The following EEF1A2 variants were observed in gnomAD, a reference collection of about 807,000 sequenced individuals.
EEF1A2 encodes eukaryotic translation elongation factor 1 alpha 2.
EEF1A2 carries 5 observed loss-of-function variants against 39.3 expected under a neutral mutation model. The observed-to-expected ratio is 0.13, with a 90% CI of 0.07 to 0.27. The LOEUF is 0.27. Among genes scored for constraint, EEF1A2 ranks in the 10% least tolerant of loss-of-function variants. EEF1A2 has a pLI of 1.00. For synonymous variants in EEF1A2, 287 were observed against 293.7 expected (o/e 0.98, Z 0.23); for missense variants, 218 against 681.4 (o/e 0.32, Z 7.57).
Position 63,497,780 on chromosome 20 carries a change from G to A in EEF1A2, c.-17C>T. The A allele has an allele frequency of 6.2e-7, 1 of 1,608,400 alleles. No homozygotes were observed. The highest frequency in any genetic ancestry group is 8.5e-7 in the Non-Finnish European group (1 of 1,177,026). ...CTTGCCCATTTTGCTGGGAGTGTGA[G>A]GGGCTGGCGGGACCCGGGGTGCTCT... On this transcript the variant is annotated 5_prime_UTR_variant, in exon 2 of 8. Coordinates refer to ENST00000217182, the MANE Select transcript of EEF1A2 (RefSeq NM_001958.5). The surrounding 1 kb of genome is among the most constrained non-coding windows in gnomAD (Gnocchi z 7.3).
chr20:63,493,966 CAT>C (rs561101299), intron 4 of EEF1A2, among the ~76,000 whole-genome samples: 145 of 152,364 alleles, frequency 9.5e-4, no homozygotes, highest in African/African-American at 3.3e-3. Flanking sequence ...GCGTTCGCCA[CAT>C]GATACCCCAT....
chr20:63,497,900 C>G lies in EEF1A2; in HGVS notation c.-71-66G>C. 8.1e-7 allele frequency: 1 copy of G among 1,233,814 alleles called. No homozygotes were observed. The highest frequency in any genetic ancestry group is 1.5e-5 in the South Asian group (1 of 68,806). 76.4% of individuals were successfully genotyped at this position (1,233,814 alleles called of 1,614,324 possible). ...CCCCAGGGGGAGACACCAGCAGAGA[C>G]TGTCCTGGCACAGGCTGGACAGGCA... is the stretch of plus-strand genomic sequence containing the variant. On this transcript the variant is annotated intron_variant, in intron 1 of 7. Coordinates refer to ENST00000217182, the MANE Select transcript of EEF1A2 (RefSeq NM_001958.5). This position sits in a 1 kb window ranked among gnomAD's most constrained non-coding sequence, Gnocchi z 7.3.
Position 63,497,858 on chromosome 20 carries a change from A to C in EEF1A2, c.-71-24T>G. On this transcript the variant is annotated intron_variant, in intron 1 of 7. Transcript: ENST00000217182. This position sits in a 1 kb window ranked among gnomAD's most constrained non-coding sequence, Gnocchi z 7.3. ...TTCTGTGGGGCCAGTGGTGGTGGGG[A>C]GACCGGTGATGGGGAGCCCCAGGGG... 6.6e-7 allele frequency: 1 copy of C among 1,504,218 alleles called. No individual in the cohort carries two copies. The highest frequency in any genetic ancestry group is 1.3e-5 in the South Asian group (1 of 77,768). 93.2% of individuals were successfully genotyped at this position (1,504,218 alleles called of 1,614,324 possible). A position where few individuals can be genotyped will look rare whatever the true frequency, so the allele number is the denominator to read the frequency against.
At chr20:63,493,417 A>AT (rs1805599590) in intron 4 of EEF1A2, 130 bp from the exon 5 acceptor site, 1 of 1,098,854 alleles carries the variant, frequency 9.1e-7, no homozygotes, top group Non-Finnish European at 1.2e-6. Flanking sequence ...GAGATGAGGA[A>AT]TTTCCCCACC....
chr20:63,488,669 T>C (rs1365203051), intron 7 of EEF1A2, among the ~76,000 whole-genome samples: 1 of 152,166 alleles, frequency 6.6e-6, no homozygotes, highest in Non-Finnish European at 1.5e-5. Context: ...CCGCGGGCCT[T>C]CCTCACTCGC....
chr20:63,493,067 T>C, intron 5 of EEF1A2, 70 bp downstream of exon 5: 3 of 1,506,214 alleles, frequency 2.0e-6, no homozygotes, highest in South Asian at 1.3e-5. Context: ...TGAGATGCCT[T>C]GTAGGGGCCC....
chr20:63,494,796 G>A lies in EEF1A2; in HGVS notation c.621+9C>T, dbSNP rs758255976. 5.2e-5 allele frequency: 83 copies of A among 1,605,158 alleles called. No homozygotes were observed. Among genetic ancestry groups the A allele is most frequent in the Admixed American group, 1.2e-4 (7 of 59,838 alleles). ...TCCCGTGGCCCGCCCCGCCCTAGCC[G>A]CCACTCACGTTGGGGGAGGGCTCCA... On this transcript the variant is annotated intron_variant, in intron 4 of 7. Coordinates refer to ENST00000217182, the MANE Select transcript of EEF1A2 (RefSeq NM_001958.5).
intron 5 of EEF1A2, among the ~76,000 whole-genome samples, chr20:63,491,320 C>T (rs936858443): frequency 2.0e-5 from 3 of 152,232 alleles, no homozygotes; most frequent in African/African-American, 7.2e-5. Context: ...CATGAGCGTC[C>T]CTGGCATTTC....
In EEF1A2 at chr20:63,497,653, C is replaced by T. The variant is rs2082424458; in HGVS notation, c.111G>A (p.Arg37=). ...CCTCCTTCTCGAACTTCTCAATGGTCCTTTTGTCAATACCTCCGCATTTGT... is the reference window on the plus strand; with the variant it reads ...CCTCCTTCTCGAACTTCTCAATGGTTCTTTTGTCAATACCTCCGCATTTGT... ...LIYKCGGIDK[R]TIEKFEKEAA... The change falls in exon 2 of 8, where the codon AGG becomes AGA. Residue 37 remains arginine, a synonymous_variant. Transcript: ENST00000217182. The surrounding 1 kb of genome is among the most constrained non-coding windows in gnomAD (Gnocchi z 7.3). The T allele has an allele frequency of 6.2e-7, 1 of 1,613,098 alleles. No homozygotes were observed. The highest frequency in any genetic ancestry group is 8.5e-7 in the Non-Finnish European group (1 of 1,179,838).
intron 2 of EEF1A2, chr20:63,496,309 CTCT>C: frequency 2.0e-6 from 1 of 496,388 alleles, no homozygotes; most frequent in Admixed American, 3.5e-5. Context: ...GAGTCGCTCG[CTCT>C]ACGAGCGAAG....
rs1204531080 is a variant in EEF1A2, at chr20:63,488,293, G to C, written c.*5C>G. 24 of 1,288,322 alleles carry C rather than the reference G, an allele frequency of 1.9e-5. No individual in the cohort carries two copies. Among genetic ancestry groups the C allele is most frequent in the Non-Finnish European group, 2.4e-5 (24 of 1,002,078 alleles). 79.8% of individuals were successfully genotyped at this position (1,288,322 alleles called of 1,614,324 possible). A position where few individuals can be genotyped will look rare whatever the true frequency, so the allele number is the denominator to read the frequency against. ...GGGGAGGGTCGCGCCGCGGGCGCCCGCGCTTCACTTGCCCGCCTTCTGCGC... is the reference window on the plus strand; with the variant it reads ...GGGGAGGGTCGCGCCGCGGGCGCCCCCGCTTCACTTGCCCGCCTTCTGCGC... On this transcript the variant is annotated 3_prime_UTR_variant, in exon 8 of 8. Coordinates refer to ENST00000217182, the MANE Select transcript of EEF1A2 (RefSeq NM_001958.5).
chr20:63,493,718 G>A (rs550356179), intron 4 of EEF1A2, among the ~76,000 whole-genome samples: 3 of 152,204 alleles, frequency 2.0e-5, no homozygotes, highest in African/African-American at 2.4e-5. Flanking sequence ...TCTGGACACC[G>A]TGCTGCCTCC....
intron 5 of EEF1A2, among the ~76,000 whole-genome samples, chr20:63,492,138 A>G (rs1311790488): frequency 1.7e-5 from 2 of 119,120 alleles, no homozygotes; most frequent in Non-Finnish European, 3.5e-5. Flanking sequence ...GGGGAAGTGG[A>G]TGGATGGGGA....
In EEF1A2 at chr20:63,494,869, G is replaced by A. The variant is rs1400278785; in HGVS notation, c.557C>T (p.Ala186Val). 1 of 1,612,714 alleles carries A rather than the reference G, an allele frequency of 6.2e-7. No individual in the cohort carries two copies. Among genetic ancestry groups the A allele is most frequent in the Admixed American group, 1.7e-5 (1 of 60,030 alleles). Residue 186 changes from alanine (A) to valine (V), a missense_variant, in exon 4 of 8, where the codon GCC (alanine) becomes GTC (valine). Ala to Val is a moderately conservative substitution (Grantham distance 64, BLOSUM62 0). Around this residue, in one of 4 missense-constraint regions of EEF1A2, gnomAD observed 79 missense variants for 172.3 expected, o/e 0.46. Coordinates refer to ENST00000217182, the MANE Select transcript of EEF1A2 (RefSeq NM_001958.5). ...GGAGATGGGCACAAAGGGCACGGTG[G>A]CCGGGTTGTAGCCGATCTTCTTGAT... ...AYIKKIGYNP[A>V]TVPFVPISGW... is the part of the protein sequence containing the mutation.
rs1006007319 is a variant in EEF1A2, at chr20:63,488,444, C to G, written c.1265-19G>C. On this transcript the variant is annotated intron_variant, in intron 7 of 7. Coordinates refer to ENST00000217182, the MANE Select transcript of EEF1A2 (RefSeq NM_001958.5). ...AAGCGGCCTGGGGGGCGGGGGGCGG[C>G]GTGTGGGCGGGGCCGGAGGACTTGA... 3 of 1,413,526 alleles carry G rather than the reference C, an allele frequency of 2.1e-6. No homozygotes were observed. In the East Asian group the frequency reaches 9.4e-5, roughly 44 times the overall value. 87.6% of individuals were successfully genotyped at this position (1,413,526 alleles called of 1,614,324 possible).
intron 4 of EEF1A2, 42 bp downstream of exon 4, chr20:63,494,763 C>A: frequency 6.3e-7 from 1 of 1,579,182 alleles, no homozygotes. Context: ...CCAGGGGGTC[C>A]AGCCAGCTCC....
At chr20:63,496,099 AGCT>A in intron 2 of EEF1A2, 64 bp from the exon 3 acceptor site, 1 of 1,584,442 alleles carries the variant, frequency 6.3e-7, no homozygotes, top group East Asian at 2.2e-5. Flanking sequence ...TGGTGGTGCG[AGCT>A]GCTTGTTACA....
rs376455856 is a variant in EEF1A2, at chr20:63,493,124, C to A, written c.772+13G>T. ...TGGCCAGGCAGGAGCTCCAGCACAG[C>A]GCCCTTGCTCACCGCCAATCTTGTA... On this transcript the variant is annotated intron_variant, in intron 5 of 7. Coordinates refer to ENST00000217182, the MANE Select transcript of EEF1A2 (RefSeq NM_001958.5). 2 of 1,545,840 alleles carry A rather than the reference C, an allele frequency of 1.3e-6. No homozygotes were observed. The highest frequency in any genetic ancestry group is 2.0e-5 in the Admixed American group (1 of 50,722).
intron 6 of EEF1A2, 59 bp from the exon 7 acceptor site, chr20:63,489,211 C>T: frequency 6.4e-7 from 1 of 1,551,372 alleles, no homozygotes; most frequent in Admixed American, 1.8e-5. Context: ...CGGGAGGGCG[C>T]CAGAGCGGGG....
Sources: allele counts gnomAD v4.1 joint callset (sites outside exome capture counted in the v4.1 genomes callset), GRCh38; gene constraint gnomAD v4.1.1; regional missense constraint gnomAD v4.1.1; non-coding constraint Gnocchi (gnomAD v3.1); transcripts MANE v1.5; gene names NCBI Gene and HGNC (gene_info 2026-07-23, HGNC 2026-07-21).